CLN6: variants seen among roughly 807,000 people sequenced by gnomAD.
The protein encoded by CLN6 is ceroid-lipofuscinosis neuronal protein 6.
A neutral mutation model predicts 33.3 loss-of-function variants in CLN6; 22 were observed. The ratio of observed to expected loss-of-function variants is 0.66; its 90% confidence interval spans 0.47 to 0.94. CLN6 has a LOEUF of 0.94. Among genes scored for constraint, CLN6 ranks in the 40% least tolerant of loss-of-function variants. CLN6 has a pLI of 0.00. For synonymous variants in CLN6, 201 were observed against 174.6 expected (o/e 1.15, Z -1.19); for missense variants, 387 against 417.1 (o/e 0.93, Z 0.63).
chr15:68,226,717 G>A (rs1398274906), intron 1 of CLN6, among the ~76,000 whole-genome samples: 2 of 151,978 alleles, frequency 1.3e-5, no homozygotes, highest in African/African-American at 2.4e-5. Context: ...CGCCCATCTC[G>A]GCCTCCCAAA....
intron 1 of CLN6, among the ~76,000 whole-genome samples, chr15:68,225,474 T>C (rs188441938): frequency 6.6e-6 from 1 of 152,222 alleles, no homozygotes; most frequent in Admixed American, 6.5e-5. Flanking sequence ...GGTAGGGGAC[T>C]AATATCATCT....
rs2093190905 is a variant in CLN6, at chr15:68,207,698, G to A, written c.*442C>T. 1 of 282,274 alleles carries A rather than the reference G, an allele frequency of 3.5e-6. No homozygotes were observed. Among genetic ancestry groups the A allele is most frequent in the African/African-American group, 2.2e-5 (1 of 45,958 alleles). 17.5% of individuals were successfully genotyped at this position (282,274 alleles called of 1,614,324 possible). The stretch of plus-strand genomic sequence containing the variant: ...ACCTATGTAATGTAGGGTCAGGGTG[G>A]GCCTGAGGGATGAGCCAGGTGGTGG... On this transcript the variant is annotated 3_prime_UTR_variant, in exon 7 of 7. Transcript: ENST00000249806.
intron 3 of CLN6, 42 bp downstream of exon 3, chr15:68,214,248 G>C: frequency 1.4e-6 from 2 of 1,442,314 alleles, no homozygotes; most frequent in Non-Finnish European, 2.0e-6. Context: ...GGTGTGCAAA[G>C]AATGGGGATG....
upstream of CLN6, among the ~76,000 whole-genome samples, chr15:68,230,354 C>G (rs995408267): frequency 3.3e-5 from 5 of 152,166 alleles, no homozygotes; most frequent in South Asian, 6.2e-4. This position sits in a 1 kb window ranked among gnomAD's most constrained non-coding sequence, Gnocchi z 4.0. Flanking sequence ...CATCTTTGAA[C>G]GCATTAAGCT....
At chr15:68,232,976 G>T (rs1225981383), upstream of CLN6, among the ~76,000 whole-genome samples, 1 of 152,222 alleles carries the variant, frequency 6.6e-6, no homozygotes. This position sits in a 1 kb window ranked among gnomAD's most constrained non-coding sequence, Gnocchi z 4.7. Context: ...CCAGGAGGCA[G>T]AGGTTGCAGT....
At chr15:68,240,443 C>CA (rs572052964) in intron 1 of CLN6, among the ~76,000 whole-genome samples, 65 of 151,094 alleles carry the variant, frequency 4.3e-4, no homozygotes, top group African/African-American at 1.4e-3. Flanking sequence ...ACTAAAAATA[C>CA]AAAAAAAATT....
Position 68,211,616 on chromosome 15 carries a change from C to G in CLN6, c.486+59G>C, listed in dbSNP as rs779314925. ...CGAGGGGTGGGGGCCATTTCTTCAG[C>G]CTCCCAGGACAGACTGTGCTCCTAG... On this transcript the variant is annotated intron_variant, in intron 4 of 6. Transcript: ENST00000249806. The surrounding 1 kb of genome is among the most constrained non-coding windows in gnomAD (Gnocchi z 5.9). 2.5e-6 allele frequency: 4 copies of G among 1,608,120 alleles called. No individual in the cohort carries two copies. Among genetic ancestry groups the G allele is most frequent in the Admixed American group, 1.7e-5 (1 of 60,022 alleles).
rs991476556 is a variant in CLN6 at position 68,236,241 on chromosome 15, C to G, written c.180-17591G>C. Among the ~76,000 whole-genome samples the G allele has an allele frequency of 6.6e-6, 1 of 152,130 alleles. No individual in the cohort carries two copies. The highest frequency in any genetic ancestry group is 1.5e-5 in the Non-Finnish European group (1 of 68,032). On this transcript the variant is annotated intron_variant, in intron 1 of 6. Transcript: ENST00000538696. The surrounding 1 kb of genome is among the most constrained non-coding windows in gnomAD (Gnocchi z 4.5). ...AATACAGAGTTAGTACATGACCCAG[C>G]AACTCTGCTTTTAGGTATAGGACCA...
At chr15:68,225,170 A>G (rs1454234338) in intron 1 of CLN6, among the ~76,000 whole-genome samples, 4 of 152,222 alleles carry the variant, frequency 2.6e-5, no homozygotes, top group African/African-American at 4.8e-5. Context: ...ATGAAGGCAA[A>G]TATAATGAGA....
chr15:68,243,529 T>A (rs973080127), intron 1 of CLN6, among the ~76,000 whole-genome samples: 1 of 151,766 alleles, frequency 6.6e-6, no homozygotes, highest in Non-Finnish European at 1.5e-5. Flanking sequence ...CCAAGGTGGG[T>A]GGATCACCTG....
In CLN6 at chr15:68,220,553, G is replaced by A. The variant is rs2093232842; in HGVS notation, c.84-1903C>T. ...CTGGGTTCTAAGGGTGCAAGCCCAG[G>A]ACTGCCTACAGCCAAGGTTCCACCC... On this transcript the variant is annotated intron_variant, in intron 1 of 6. Transcript: ENST00000249806. The surrounding 1 kb of genome is among the most constrained non-coding windows in gnomAD (Gnocchi z 4.2). Among the ~76,000 whole-genome samples, 1 of 152,222 alleles carries A rather than the reference G, an allele frequency of 6.6e-6. No homozygotes were observed. Among genetic ancestry groups the A allele is most frequent in the Non-Finnish European group, 1.5e-5 (1 of 68,032 alleles).
rs2093258445 is a variant in CLN6, at chr15:68,228,473, G to A, written c.83+1029C>T. ...GTCACGGCAGTGCGCCTACCCCTAA[G>A]TTTTGCAATCTAGGTCCTCAACTCG... On this transcript the variant is annotated intron_variant, in intron 1 of 6. Coordinates refer to ENST00000249806, the MANE Select transcript of CLN6 (RefSeq NM_017882.3). This position sits in a 1 kb window ranked among gnomAD's most constrained non-coding sequence, Gnocchi z 4.4. Among the ~76,000 whole-genome samples the A allele has an allele frequency of 6.6e-6, 1 of 152,116 alleles. No homozygotes were observed. The highest frequency in any genetic ancestry group is 2.4e-5 in the African/African-American group (1 of 41,424).
intron 3 of CLN6, 113 bp downstream of exon 3, chr15:68,214,177 C>A (rs553192210): frequency 3.6e-6 from 3 of 835,110 alleles, no homozygotes; most frequent in African/African-American, 1.7e-5. Flanking sequence ...CCTTCACCCC[C>A]CAGCAGCAGG....
intron 1 of CLN6, among the ~76,000 whole-genome samples, chr15:68,251,967 C>CTTTTTTTTTTTTT (rs35907860): frequency 1.4e-5 from 1 of 71,868 alleles, no homozygotes; most frequent in Non-Finnish European, 2.6e-5. Context: ...ATGTGTGAAT[C>CTTTTTTTTTTTTT]TTTTTTTTTT....
chr15:68,212,918 T>C (rs1490029039), intron 3 of CLN6: 2 of 152,226 alleles, frequency 1.3e-5, no homozygotes, highest in African/African-American at 2.4e-5. Context: ...TAAGTACATA[T>C]GTGTAGAATT....
Position 68,209,666 on chromosome 15 carries a change from G to A in CLN6, c.636C>T (p.Leu212=), listed in dbSNP as rs758612277. ...AGTACAGGCCACTGGGTGCCACCAGGAGCAGGGCAGGCCCTGGAATCAAGC... is the reference window on the plus strand; with the variant it reads ...AGTACAGGCCACTGGGTGCCACCAGAAGCAGGGCAGGCCCTGGAATCAAGC... ...AESLIPGPAL[L]LVAPSGLYYW... is the part of the protein sequence containing the mutation. Residue 212 remains leucine (L), a synonymous_variant, in exon 6 of 7, where the codon CTC becomes CTT. Transcript: ENST00000249806. The surrounding 1 kb of genome is among the most constrained non-coding windows in gnomAD (Gnocchi z 4.9). 3.1e-6 allele frequency: 5 copies of A among 1,613,474 alleles called. No homozygotes were observed. Among genetic ancestry groups the A allele is most frequent in the South Asian group, 2.2e-5 (2 of 91,042 alleles).
At chr15:68,217,592 G>A (rs906827041) in intron 2 of CLN6, among the ~76,000 whole-genome samples, 2 of 152,178 alleles carry the variant, frequency 1.3e-5, no homozygotes. Flanking sequence ...TTCAGCACTG[G>A]ATATTGTTAT....
In CLN6 at chr15:68,246,643, A is replaced by G. The variant is rs1892332088; in HGVS notation, c.179+10047T>C. ...AAAGACTTCAAATAAACAACCTAAC[A>G]ATGCACCTCAAGGAACTAGAAAAAC... is the stretch of plus-strand genomic sequence containing the variant. On this transcript the variant is annotated intron_variant, in intron 1 of 6. Coordinates refer to the CLN6 transcript ENST00000538696. The surrounding 1 kb of genome is among the most constrained non-coding windows in gnomAD (Gnocchi z 4.5). Among the ~76,000 whole-genome samples the G allele has an allele frequency of 6.6e-6, 1 of 152,126 alleles. No homozygotes were observed. Among genetic ancestry groups the G allele is most frequent in the South Asian group, 2.1e-4 (1 of 4,838 alleles).
chr15:68,226,388 C>T (rs1375707184), intron 1 of CLN6, among the ~76,000 whole-genome samples: 1 of 151,900 alleles, frequency 6.6e-6, no homozygotes, highest in Non-Finnish European at 1.5e-5. Flanking sequence ...CTGCCACTAA[C>T]CAGATCTTGA....
Sources: gnomAD v4.1 joint callset for allele counts (sites outside exome capture counted in the v4.1 genomes callset) on GRCh38, gnomAD v4.1.1 for gene constraint, Gnocchi (gnomAD v3.1) non-coding constraint, MANE v1.5 for transcripts, NCBI Gene and HGNC (gene_info 2026-07-23, HGNC 2026-07-21) for gene names.